Variants in UGT1A9 observed in about 807,000 individuals in gnomAD.
UGT1A9 encodes UDP glucuronosyltransferase family 1 member A9.
In UGT1A9, 35 loss-of-function variants were observed where a neutral mutation model predicts 45.0. That is an observed-to-expected ratio of 0.78 (90% confidence interval 0.59 to 1.03). UGT1A9 has a LOEUF of 1.03. Ranked by LOEUF, UGT1A9 falls within the 50% of genes least tolerant of loss-of-function variation. The probability of loss-of-function intolerance (pLI) is 0.00; values close to 1 mark genes in which losing one functional copy is unlikely to be tolerated. For synonymous variants in UGT1A9, 278 were observed against 250.6 expected (o/e 1.11, Z -1.03); for missense variants, 687 against 666.6 (o/e 1.03, Z -0.34).
At chr2:233,729,329 A>G in intron 1 of UGT1A9, 1 of 1,614,260 alleles carries the variant, frequency 6.2e-7, no homozygotes, top group East Asian at 2.2e-5. Flanking sequence ...GTGAATATGC[A>G]CATCAAAGAA....
At chr2:233,703,292 T>G (rs1176521363) in intron 1 of UGT1A9, among the ~76,000 whole-genome samples, 1 of 151,522 alleles carries the variant, frequency 6.6e-6, no homozygotes, top group African/African-American at 2.4e-5. Context: ...GGTAGTAACA[T>G]TCCCTCTTTC....
chr2:233,756,601 A>G (rs1696268124), intron 1 of UGT1A9, among the ~76,000 whole-genome samples: 1 of 152,212 alleles, frequency 6.6e-6, no homozygotes, highest in Admixed American at 6.5e-5. Context: ...TACTGTATCG[A>G]AACCATTAAG....
chr2:233,689,196 G>A (rs17862859), intron 1 of UGT1A9, among the ~76,000 whole-genome samples: 5,768 of 152,276 alleles, frequency 0.038, 135 homozygotes, highest in Non-Finnish European at 0.059. Context: ...GGAACTGTCT[G>A]GCTGGGCAAG....
At position 233,747,349 on chromosome 2, in the gene UGT1A9, A is replaced by C. The variant is rs546536456; in HGVS notation, c.856-19685A>C. ...TGGCAGCCACTGGCTCGCATGCGGG[A>C]GGCCGTGCGGGAGCTCCATGCCAGA... On this transcript the variant is annotated intron_variant, in intron 1 of 4. Transcript: ENST00000354728. The C allele has an allele frequency of 4.2e-5, 68 of 1,603,008 alleles. 1 individual carries two copies. The South Asian group carries it at 6.8e-4, about 16-fold the overall frequency.
chr2:233,770,833 T>C (rs1328938186), intron 4 of UGT1A9: 1 of 152,206 alleles, frequency 6.6e-6, no homozygotes, highest in Non-Finnish European at 1.5e-5. Context: ...TGCATTGCTG[T>C]AAAGAAATAC....
At chr2:233,714,010 T>C in intron 1 of UGT1A9, 1 of 1,531,204 alleles carries the variant, frequency 6.5e-7, no homozygotes, top group Non-Finnish European at 8.8e-7. Flanking sequence ...AGATAAACTT[T>C]TAAAGGGTCA....
At chr2:233,768,577 TTCTTC>T in intron 4 of UGT1A9, 138 bp downstream of exon 4, 1 of 1,379,982 alleles carries the variant, frequency 7.2e-7, no homozygotes, top group Non-Finnish European at 9.4e-7. Context: ...GGATTTTTAT[TTCTTC>T]TTTTTTTTTT....
At chr2:233,678,886 T>C (rs958631363) in intron 1 of UGT1A9, among the ~76,000 whole-genome samples, 8 of 152,202 alleles carry the variant, frequency 5.3e-5, no homozygotes, top group South Asian at 4.1e-4. Flanking sequence ...ACTTCCTTGA[T>C]TGGCTCTGTC....
intron 1 of UGT1A9, chr2:233,754,643 CTCAA>C (rs886471187): frequency 6.7e-6 from 3 of 449,160 alleles, no homozygotes; most frequent in Non-Finnish European, 8.9e-6. Context: ...CTTGGCCATT[CTCAA>C]TGATTCTCTT....
intron 1 of UGT1A9, among the ~76,000 whole-genome samples, chr2:233,705,256 ATGGGGTCACT>A (rs1239018382): frequency 6.6e-6 from 1 of 152,108 alleles, no homozygotes; most frequent in Admixed American, 6.6e-5. Flanking sequence ...AGATTATTCT[ATGGGGTCACT>A]TGCTTTCAAC....
chr2:233,705,440 G>A (rs72986482), intron 1 of UGT1A9, among the ~76,000 whole-genome samples: 3,401 of 152,250 alleles, frequency 0.022, 46 homozygotes, highest in Middle Eastern at 0.041. Flanking sequence ...TTATCCTTCA[G>A]AATTGCACAT....
chr2:233,704,855 C>T (rs1453613831), intron 1 of UGT1A9, among the ~76,000 whole-genome samples: 2 of 152,044 alleles, frequency 1.3e-5, no homozygotes, highest in Admixed American at 6.6e-5. Context: ...AGAATAGGGC[C>T]GGGCACGGTG....
intron 1 of UGT1A9, chr2:233,743,951 A>G (rs1692602468): frequency 1.4e-5 from 19 of 1,344,342 alleles, no homozygotes; most frequent in Non-Finnish European, 1.9e-5. Context: ...AGGCACTGGC[A>G]CAGCGAGCGG....
At chr2:233,738,412 C>T (rs988923331) in intron 1 of UGT1A9, among the ~76,000 whole-genome samples, 1 of 152,164 alleles carries the variant, frequency 6.6e-6, no homozygotes, top group East Asian at 1.9e-4. Context: ...GGGTAACAGG[C>T]AGAGGCTGGA....
At chr2:233,698,678 A>G (rs1465077839) in intron 1 of UGT1A9, among the ~76,000 whole-genome samples, 1 of 152,248 alleles carries the variant, frequency 6.6e-6, no homozygotes, top group East Asian at 1.9e-4. Context: ...CAACTATAAA[A>G]CAAATACATT....
rs763571226 is a variant in UGT1A9, at chr2:233,693,560, C to T, written c.855+20771C>T. ...CCTGGAGCATACATTCAGCAGAAGCCCAGACCCTGTGTCCTACATTCCCAG... is the reference window on the plus strand; with the variant it reads ...CCTGGAGCATACATTCAGCAGAAGCTCAGACCCTGTGTCCTACATTCCCAG... On this transcript the variant is annotated intron_variant, in intron 1 of 4. Transcript: ENST00000354728. The T allele has an allele frequency of 2.8e-5, 45 of 1,614,066 alleles. No individual in the cohort carries two copies. In the Admixed American group the frequency reaches 7.3e-4, roughly 26 times the overall value.
intron 1 of UGT1A9, chr2:233,693,664 T>C (rs140637573): frequency 4.3e-6 from 7 of 1,614,196 alleles, no homozygotes; most frequent in Non-Finnish European, 5.9e-6. Context: ...TGGAGCCCTA[T>C]CTATTTTATT....
intron 4 of UGT1A9, 141 bp from the exon 5 acceptor site, chr2:233,772,121 A>G (rs1700464969): frequency 3.3e-6 from 5 of 1,536,424 alleles, no homozygotes; most frequent in East Asian, 2.5e-5. Flanking sequence ...TCTAAAAACA[A>G]CAACAACAAC....
chr2:233,717,911 C>T, intron 1 of UGT1A9: 1 of 454,770 alleles, frequency 2.2e-6, no homozygotes, highest in South Asian at 1.6e-5. Flanking sequence ...AAATAAAGGC[C>T]TGGATGAATG....
Sources: allele counts gnomAD v4.1 joint callset (sites outside exome capture counted in the v4.1 genomes callset), GRCh38; gene constraint gnomAD v4.1.1; transcripts MANE v1.5; gene names NCBI Gene and HGNC (gene_info 2026-07-23, HGNC 2026-07-21).